Variants in RALA observed in about 807,000 individuals in gnomAD.
RALA encodes RAS like proto-oncogene A, also known as ras-related protein Ral-A.
RALA carries 5 observed loss-of-function variants against 24.0 expected under a neutral mutation model. The ratio of observed to expected loss-of-function variants is 0.21; its 90% CI spans 0.11 to 0.44. RALA has a LOEUF of 0.44. Among genes scored for constraint, RALA ranks in the 20% least tolerant of loss-of-function variants. RALA has a pLI of 0.99. For missense variants in RALA, 95 were observed against 241.2 expected (o/e 0.39, Z 4.01); for synonymous variants, 77 against 83.8 (o/e 0.92, Z 0.44).
At chr7:39,630,366 C>A (rs1223340039) in intron 1 of RALA, among the ~76,000 whole-genome samples, 1 of 152,050 alleles carries the variant, frequency 6.6e-6, no homozygotes, top group Non-Finnish European at 1.5e-5. Context: ...TGCCCATTTT[C>A]TATACGACTT....
rs560701274 is a variant in RALA at position 39,637,989 on chromosome 7, C to T, written c.-38+14164C>T. On this transcript the variant is annotated intron_variant, in intron 1 of 4. Transcript: ENST00000005257. ...TACTGTTGTAATACTATTGTAACACCTAAGAAAATTAGTAACAATTCCATA... is the reference window on the plus strand; with the variant it reads ...TACTGTTGTAATACTATTGTAACACTTAAGAAAATTAGTAACAATTCCATA... Among the ~76,000 whole-genome samples, 5 of 152,274 alleles carry T rather than the reference C, an allele frequency of 3.3e-5. No homozygotes were observed. The South Asian group carries it at 6.2e-4, about 19-fold the overall frequency.
At chr7:39,701,511 T>C (rs1174492912) in intron 4 of RALA, among the ~76,000 whole-genome samples, 1 of 152,050 alleles carries the variant, frequency 6.6e-6, no homozygotes, top group Non-Finnish European at 1.5e-5. Context: ...AGACCCTATC[T>C]CAAAAACAAA....
At chr7:39,632,856 A>G (rs977561590) in intron 1 of RALA, among the ~76,000 whole-genome samples, 1 of 152,132 alleles carries the variant, frequency 6.6e-6, no homozygotes, top group African/African-American at 2.4e-5. Context: ...ATACTTAAGG[A>G]GATGGATGTG....
chr7:39,673,894 AGCACTTTGGAAGGCCGAG>A (rs1792431208), intron 1 of RALA, among the ~76,000 whole-genome samples: 1 of 152,090 alleles, frequency 6.6e-6, no homozygotes, highest in African/African-American at 2.4e-5. Flanking sequence ...TTATAATCCC[AGCACTTTGGAAGGCCGAG>A]GCAGGTGGAT....
chr7:39,634,171 A>G (rs112951733), intron 1 of RALA, among the ~76,000 whole-genome samples: 6 of 152,180 alleles, frequency 3.9e-5, no homozygotes, highest in African/African-American at 1.2e-4. Context: ...CTGTCCCAGG[A>G]GTGCTGGTAG....
At position 39,686,005 on chromosome 7, in the gene RALA, A is replaced by T. The variant is rs1347857249; in HGVS notation, c.-37-626A>T. ...CGGATCATTAGAGGCCAGGAGTTTG[A>T]GACCAGCCTGGCCAACATGGCGAAA... On this transcript the variant is annotated intron_variant, in intron 1 of 4. Coordinates refer to ENST00000005257, the MANE Select transcript of RALA (RefSeq NM_005402.4). Among the ~76,000 whole-genome samples the T allele has an allele frequency of 2.0e-5, 3 of 152,272 alleles. No individual in the cohort carries two copies. The East Asian group carries it at 5.8e-4, about 29-fold the overall frequency.
chr7:39,650,434 C>T (rs1304821440), intron 1 of RALA, among the ~76,000 whole-genome samples: 2 of 152,090 alleles, frequency 1.3e-5, no homozygotes, highest in Non-Finnish European at 2.9e-5. Flanking sequence ...CTTAGATTTA[C>T]AGTAACTGAA....
intron 1 of RALA, among the ~76,000 whole-genome samples, chr7:39,681,661 G>T (rs1441246873): frequency 6.6e-6 from 1 of 151,972 alleles, no homozygotes; most frequent in Non-Finnish European, 1.5e-5. Flanking sequence ...CTGTTGAGTT[G>T]TTTCAGGGCT....
At chr7:39,697,918 C>G (rs911434491) in intron 4 of RALA, among the ~76,000 whole-genome samples, 3 of 150,682 alleles carry the variant, frequency 2.0e-5, no homozygotes, top group African/African-American at 7.3e-5. Context: ...ATTCAGGATA[C>G]GAATTTTTTC....
intron 2 of RALA, among the ~76,000 whole-genome samples, chr7:39,687,745 C>G (rs1037400737): frequency 6.6e-6 from 1 of 152,182 alleles, no homozygotes; most frequent in African/African-American, 2.4e-5. Context: ...TTGCAGACAA[C>G]TTAGTCCTCG....
At chr7:39,640,499 T>C (rs1791793743) in intron 1 of RALA, among the ~76,000 whole-genome samples, 1 of 152,256 alleles carries the variant, frequency 6.6e-6, no homozygotes, top group South Asian at 2.1e-4. Flanking sequence ...TATTTTCTTG[T>C]TACTGAGTTG....
At chr7:39,642,607 G>C (rs1401492720) in intron 1 of RALA, among the ~76,000 whole-genome samples, 2 of 152,128 alleles carry the variant, frequency 1.3e-5, no homozygotes. Context: ...AAACTATCCA[G>C]CTATTAGCCA....
chr7:39,698,157 C>G (rs1398328372), intron 4 of RALA, among the ~76,000 whole-genome samples: 1 of 152,128 alleles, frequency 6.6e-6, no homozygotes, highest in Non-Finnish European at 1.5e-5. Context: ...AGATAGCTCT[C>G]CTGATTCTTC....
chr7:39,661,462 G>A (rs557322534), intron 1 of RALA, among the ~76,000 whole-genome samples: 1 of 152,366 alleles, frequency 6.6e-6, no homozygotes, highest in East Asian at 1.9e-4. Context: ...TACAATGAGG[G>A]TGCAGGCATT....
In RALA at chr7:39,699,118, GTTAT is replaced by G. The variant is rs1207863082; in HGVS notation, c.498+2262_498+2265del. 8.5e-3 allele frequency among the ~76,000 whole-genome samples: 713 copies of G among 84,016 alleles called. 67 individuals carry two copies. The highest frequency in any genetic ancestry group is 0.032 in the African/African-American group (671 of 21,224). 55.1% of individuals were successfully genotyped at this position (84,016 alleles called of 152,430 possible). ...ACCCAGCAATTTAAGTGCTAAAAAT[GTTAT>G]TTTTTTTTTTTTTTTTTTTTTTTTT... On this transcript the variant is annotated intron_variant, in intron 4 of 4. Coordinates refer to ENST00000005257, the MANE Select transcript of RALA (RefSeq NM_005402.4).
chr7:39,642,048 A>G (rs1791826978), intron 1 of RALA, among the ~76,000 whole-genome samples: 2 of 152,208 alleles, frequency 1.3e-5, no homozygotes, highest in Admixed American at 1.3e-4. Context: ...GTCATCTTGT[A>G]TATTTTTCTA....
intron 1 of RALA, among the ~76,000 whole-genome samples, chr7:39,663,656 G>A (rs1792236858): frequency 6.6e-6 from 1 of 151,600 alleles, no homozygotes; most frequent in African/African-American, 2.4e-5. Context: ...AAAAATATAT[G>A]AAGCCTTCAC....
chr7:39,640,046 TTTTTGTTTTG>T (rs1791757076), intron 1 of RALA, among the ~76,000 whole-genome samples: 1 of 150,892 alleles, frequency 6.6e-6, no homozygotes, highest in Non-Finnish European at 1.5e-5. Flanking sequence ...TGGTATCTGG[TTTTTGTTTTG>T]TTTTGTTTTG....
intron 1 of RALA, among the ~76,000 whole-genome samples, chr7:39,673,493 ATTC>A (rs1348663719): frequency 2.0e-5 from 3 of 152,060 alleles, no homozygotes; most frequent in Non-Finnish European, 4.4e-5. Context: ...TGGTAATTTT[ATTC>A]TTAGTTATAT....
Sources: gnomAD v4.1 joint callset for allele counts (sites outside exome capture counted in the v4.1 genomes callset) on GRCh38, gnomAD v4.1.1 for gene constraint, MANE v1.5 for transcripts, NCBI Gene and HGNC (gene_info 2026-07-23, HGNC 2026-07-21) for gene names.